The following SGCZ variants were observed in gnomAD, a reference collection of about 807,000 sequenced individuals.
SGCZ encodes sarcoglycan zeta.
A neutral mutation model predicts 41.3 loss-of-function variants in SGCZ; 40 were observed. That is an observed-to-expected ratio of 0.97 (90% CI 0.75 to 1.26). The LOEUF is 1.26. SGCZ is among the 50% of genes most tolerant of loss of function. The probability of loss-of-function intolerance (pLI) is 0.00; values close to 1 mark genes in which losing one functional copy is unlikely to be tolerated. For missense variants in SGCZ, 552 were observed against 369.8 expected (o/e 1.49, Z -4.04); for synonymous variants, 206 against 137.5 (o/e 1.50, Z -3.49).
intron 1 of SGCZ, chr8:14,853,657 A>G (rs780030777): frequency 3.1e-6 from 1 of 317,566 alleles, no homozygotes; most frequent in African/African-American, 2.1e-5. Context: ...GTCATCAATC[A>G]TTGGCAGTTC....
intron 1 of SGCZ, among the ~76,000 whole-genome samples, chr8:14,645,894 A>T (rs1193315683): frequency 6.6e-6 from 1 of 151,410 alleles, no homozygotes; most frequent in African/African-American, 2.4e-5. Flanking sequence ...GTGTTCCATA[A>T]TGTACCTCAT....
chr8:14,664,176 C>T (rs894476925), intron 1 of SGCZ, among the ~76,000 whole-genome samples: 1 of 152,114 alleles, frequency 6.6e-6, no homozygotes, highest in African/African-American at 2.4e-5. Flanking sequence ...ATAAGACACT[C>T]ATCTTTTAAA....
chr8:14,630,979 C>A (rs1806630002), intron 1 of SGCZ, among the ~76,000 whole-genome samples: 1 of 151,808 alleles, frequency 6.6e-6, no homozygotes, highest in South Asian at 2.1e-4. Flanking sequence ...ATGTAACAAA[C>A]CTGCACGTTG....
At chr8:14,671,625 T>A (rs1808105226) in intron 1 of SGCZ, among the ~76,000 whole-genome samples, 2 of 152,200 alleles carry the variant, frequency 1.3e-5, no homozygotes, top group East Asian at 1.9e-4. Context: ...ATTAAGAAAG[T>A]AGAAAAGAAA....
intron 3 of SGCZ, among the ~76,000 whole-genome samples, chr8:14,306,697 T>G (rs1015048178): frequency 4.7e-5 from 7 of 149,974 alleles, no homozygotes; most frequent in African/African-American, 1.5e-4. Context: ...GAAGAAAAAA[T>G]AAGTGTCATT....
At chr8:14,993,761 A>T (rs1347558782) in intron 1 of SGCZ, among the ~76,000 whole-genome samples, 1 of 152,196 alleles carries the variant, frequency 6.6e-6, no homozygotes, top group Non-Finnish European at 1.5e-5. Context: ...AATAGGCAGA[A>T]GAATAATAGG....
chr8:14,696,526 A>G (rs1208906074), intron 1 of SGCZ, among the ~76,000 whole-genome samples: 1 of 152,140 alleles, frequency 6.6e-6, no homozygotes, highest in Non-Finnish European at 1.5e-5. Flanking sequence ...ATAAGGCAAA[A>G]TGTTACTGAA....
At chr8:14,179,034 A>C (rs1804638521) in intron 4 of SGCZ, among the ~76,000 whole-genome samples, 3 of 151,718 alleles carry the variant, frequency 2.0e-5, no homozygotes, top group Non-Finnish European at 2.9e-5. Context: ...ATCAGGAAAC[A>C]AAAAGGAGAT....
At chr8:14,818,126 C>T (rs1801962520) in intron 1 of SGCZ, among the ~76,000 whole-genome samples, 2 of 152,154 alleles carry the variant, frequency 1.3e-5, no homozygotes, top group South Asian at 4.1e-4. Context: ...ACCCCAACTC[C>T]CTGGAGAGAC....
intron 6 of SGCZ, among the ~76,000 whole-genome samples, chr8:14,104,421 T>TATCA (rs1412774514): frequency 9.9e-6 from 1 of 100,714 alleles, no homozygotes; most frequent in East Asian, 6.9e-4. Context: ...GTTATGCAAC[T>TATCA]ATCAAATTAA....
At chr8:14,803,019 G>A (rs914902923) in intron 1 of SGCZ, among the ~76,000 whole-genome samples, 1 of 152,098 alleles carries the variant, frequency 6.6e-6, no homozygotes. Flanking sequence ...CCCTTGGAAC[G>A]TATTTTTTCT....
intron 2 of SGCZ, among the ~76,000 whole-genome samples, chr8:14,348,906 T>C (rs1370833675): frequency 6.6e-6 from 1 of 152,186 alleles, no homozygotes; most frequent in Non-Finnish European, 1.5e-5. Context: ...TTTTAGGATC[T>C]CTACGCAGCA....
At chr8:14,610,823 T>C (rs916640287) in intron 1 of SGCZ, among the ~76,000 whole-genome samples, 1 of 152,212 alleles carries the variant, frequency 6.6e-6, no homozygotes, top group African/African-American at 2.4e-5. Context: ...TACTTCATCT[T>C]CAGAATTGAA....
intron 1 of SGCZ, among the ~76,000 whole-genome samples, chr8:15,142,216 G>A (rs547325615): frequency 1.3e-5 from 2 of 152,256 alleles, no homozygotes; most frequent in South Asian, 2.1e-4. Context: ...TAGGGTCTAA[G>A]ATTTTATTGA....
chr8:15,195,665 T>C (rs966612614), intron 1 of SGCZ, among the ~76,000 whole-genome samples: 1 of 152,166 alleles, frequency 6.6e-6, no homozygotes, highest in Admixed American at 6.5e-5. Context: ...CAACTAAACG[T>C]CTCTCTGCAG....
Position 14,692,909 on chromosome 8 carries a change from C to T in SGCZ, c.40-137983G>A, listed in dbSNP as rs530440481. On this transcript the variant is annotated intron_variant, in intron 1 of 7. Transcript: ENST00000382080. ...GAAGATGCAAAAGCAAATAACAATT[C>T]TAAACCTTGATGGAATATTTACTTC... is the stretch of plus-strand genomic sequence containing the variant. 2.6e-5 allele frequency among the ~76,000 whole-genome samples: 4 copies of T among 152,268 alleles called. No individual in the cohort carries two copies. The South Asian group carries it at 8.3e-4, about 32-fold the overall frequency.
At chr8:14,217,391 A>C (rs1428171112) in intron 4 of SGCZ, among the ~76,000 whole-genome samples, 1 of 152,120 alleles carries the variant, frequency 6.6e-6, no homozygotes, top group South Asian at 2.1e-4. Flanking sequence ...AAATCTAAAG[A>C]AACGCCTATT....
At chr8:14,953,216 G>C (rs999580101) in intron 1 of SGCZ, among the ~76,000 whole-genome samples, 2 of 152,126 alleles carry the variant, frequency 1.3e-5, no homozygotes, top group Non-Finnish European at 2.9e-5. Flanking sequence ...GTGACCTCAA[G>C]AAATTTACAG....
chr8:14,422,406 G>C (rs919292025), intron 2 of SGCZ, among the ~76,000 whole-genome samples: 4 of 152,108 alleles, frequency 2.6e-5, no homozygotes, highest in Non-Finnish European at 5.9e-5. Context: ...TAAGTTCTGT[G>C]ACTTGCCTTC....
Sources: gnomAD v4.1 joint callset for allele counts (sites outside exome capture counted in the v4.1 genomes callset) on GRCh38, gnomAD v4.1.1 for gene constraint, MANE v1.5 for transcripts, NCBI Gene and HGNC (gene_info 2026-07-23, HGNC 2026-07-21) for gene names.